Variants in FETUB observed in about 807,000 individuals in gnomAD.
FETUB encodes fetuin B.
A neutral mutation model predicts 30.9 loss-of-function variants in FETUB; 28 were observed. The observed-to-expected ratio is 0.90, with a 90% CI of 0.67 to 1.24. FETUB has a LOEUF of 1.24. FETUB is among the 50% of genes most tolerant of loss of function. FETUB has a pLI of 0.00. For missense variants in FETUB, 469 were observed against 455.3 expected (o/e 1.03, Z -0.27); for synonymous variants, 186 against 175.9 (o/e 1.06, Z -0.45).
chr3:186,640,522 C>T lies in FETUB; in HGVS notation c.62C>T (p.Pro21Leu), dbSNP rs929621480. The change falls in exon 1 of 7, where the codon CCA becomes CTA. Residue 21 changes from proline (P) to leucine (L), a missense_variant. Coordinates refer to ENST00000265029, the MANE Select transcript of FETUB (RefSeq NM_014375.3). ...ILVLCCGAMS[P>L]PQLALNPSAL... ...GTCCTGTGCTGCGGAGCAATGTCTC[C>T]ACCCCAGCTGGCCCTCAACCCCTCG... is the stretch of plus-strand genomic sequence containing the variant. 6 of 1,614,214 alleles carry T rather than the reference C, an allele frequency of 3.7e-6. No homozygotes were observed. Among genetic ancestry groups the T allele is most frequent in the African/African-American group, 2.7e-5 (2 of 75,046 alleles).
Position 186,640,691 on chromosome 3 carries a change from TAGGGAC to T in FETUB, c.225+9_225+14del, listed in dbSNP as rs1444915892. 6.2e-7 allele frequency: 1 copy of T among 1,609,584 alleles called. No individual in the cohort carries two copies. The highest frequency in any genetic ancestry group is 2.2e-5 in the East Asian group (1 of 44,838). On this transcript the variant is annotated splice_region_variant and intron_variant, in intron 1 of 6. Coordinates refer to ENST00000265029, the MANE Select transcript of FETUB (RefSeq NM_014375.3). ...ACGCCCAGGAATACAGACGGGCAAG[TAGGGAC>T]AGTTCCCACTCTGGGGCAGGGATGT... is the stretch of plus-strand genomic sequence containing the variant.
At chr3:186,639,540 C>T (rs999159040), upstream of FETUB, among the ~76,000 whole-genome samples, 1 of 151,654 alleles carries the variant, frequency 6.6e-6, no homozygotes, top group Non-Finnish European at 1.5e-5. Context: ...TGTCTCTTTT[C>T]TCTCATGACA....
chr3:186,640,648 G>T lies in FETUB; in HGVS notation c.188G>T (p.Arg63Ile). 1 of 1,613,550 alleles carries T rather than the reference G, an allele frequency of 6.2e-7. No homozygotes were observed. The highest frequency in any genetic ancestry group is 2.2e-5 in the East Asian group (1 of 44,878). Residue 63 changes from arginine to isoleucine, a missense_variant, in exon 1 of 7, where the codon AGA becomes ATA. By Grantham distance (97) the Arg-to-Ile change is moderately conservative (BLOSUM62 -3). Coordinates refer to ENST00000265029, the MANE Select transcript of FETUB (RefSeq NM_014375.3). ...NKDRKDGYVLRLNRVNDAQEY... is the reference protein window; with the variant it reads ...NKDRKDGYVLILNRVNDAQEY... ...GACAGAAAGGATGGCTATGTGCTGA[G>T]ACTCAACCGAGTGAACGACGCCCAG...
intron 5 of FETUB, among the ~76,000 whole-genome samples, chr3:186,648,366 GTAT>G (rs1717722367): frequency 1.3e-5 from 2 of 152,102 alleles, no homozygotes; most frequent in Admixed American, 6.5e-5. Context: ...GCTTATACTG[GTAT>G]AACACTGTCT....
upstream of FETUB, among the ~76,000 whole-genome samples, chr3:186,638,217 G>T (rs185642975): frequency 8.5e-4 from 130 of 152,206 alleles, 1 homozygote; most frequent in Non-Finnish European, 1.6e-3. Context: ...AACCTAGATT[G>T]ATCTATCTCC....
Position 186,641,264 on chromosome 3 carries a change from G to A in FETUB, c.336+124G>A, listed in dbSNP as rs545057696. On this transcript the variant is annotated intron_variant, in intron 2 of 6. Transcript: ENST00000265029. Reference sequence around the variant, plus strand: ...AAATGGCCCACTTTATAATCTCCTGGCAGGTGCCCATAAGCTTATTCTAAT... The same window carrying A: ...AAATGGCCCACTTTATAATCTCCTGACAGGTGCCCATAAGCTTATTCTAAT... The A allele has an allele frequency of 1.8e-4, 116 of 653,984 alleles. 1 individual carries two copies. The highest frequency in any genetic ancestry group is 3.0e-4 in the Non-Finnish European group (110 of 363,514). 40.5% of individuals were successfully genotyped at this position (653,984 alleles called of 1,614,324 possible). A position where few individuals can be genotyped will look rare whatever the true frequency, so the allele number is the denominator to read the frequency against.
At chr3:186,651,422 G>A (rs1443485948) in intron 6 of FETUB, 121 bp downstream of exon 6, 3 of 702,006 alleles carry the variant, frequency 4.3e-6, no homozygotes, top group Non-Finnish European at 7.7e-6. Context: ...CTTTGCGCAG[G>A]CTAGCCTGAG....
intron 1 of FETUB, 82 bp downstream of exon 1, chr3:186,640,767 C>A: frequency 8.6e-7 from 1 of 1,156,918 alleles, no homozygotes; most frequent in Non-Finnish European, 1.3e-6. Context: ...CCCAGAGACA[C>A]CCTGGCAGGT....
intron 3 of FETUB, among the ~76,000 whole-genome samples, chr3:186,643,786 T>G (rs1194668387): frequency 1.3e-5 from 2 of 152,186 alleles, no homozygotes; most frequent in Non-Finnish European, 2.9e-5. Context: ...ACAAAATTTC[T>G]AAAAACAATG....
Position 186,652,955 on chromosome 3 carries a change from G to A in FETUB, c.*324G>A, listed in dbSNP as rs1579060037. ...TACTTATCTTTTCAGCAGTATATATGTGCTGAAATCTCAGCATGAAAGCAT... is the reference window on the plus strand; with the variant it reads ...TACTTATCTTTTCAGCAGTATATATATGCTGAAATCTCAGCATGAAAGCAT... On this transcript the variant is annotated 3_prime_UTR_variant, in exon 7 of 7. Coordinates refer to ENST00000265029, the MANE Select transcript of FETUB (RefSeq NM_014375.3). 9.4e-6 allele frequency: 2 copies of A among 213,164 alleles called. No homozygotes were observed. The highest frequency in any genetic ancestry group is 4.6e-5 in the African/African-American group (2 of 43,694). 13.2% of individuals were successfully genotyped at this position (213,164 alleles called of 1,614,324 possible).
upstream of FETUB, chr3:186,640,239 T>C (rs1368645361): frequency 8.7e-6 from 5 of 577,942 alleles, no homozygotes; most frequent in Non-Finnish European, 1.2e-5. Flanking sequence ...CATTTGTATG[T>C]ACAGGTGGAT....
intron 6 of FETUB, 105 bp downstream of exon 6, chr3:186,651,406 T>TCAC (rs1348230483): frequency 2.6e-6 from 2 of 779,628 alleles, no homozygotes; most frequent in Admixed American, 4.0e-5. Flanking sequence ...ACCACCTTGC[T>TCAC]CACCACTTTG....
intron 6 of FETUB, chr3:186,652,018 C>T (rs1718082743): frequency 3.2e-6 from 1 of 309,190 alleles, no homozygotes. Context: ...CATTGAACCT[C>T]TCTGGGCCAT....
In FETUB at chr3:186,640,560, C is replaced by A. The variant is rs764727229; in HGVS notation, c.100C>A (p.Arg34=). The A allele has an allele frequency of 2.5e-6, 4 of 1,614,056 alleles. No individual in the cohort carries two copies. The highest frequency in any genetic ancestry group is 3.4e-6 in the Non-Finnish European group (4 of 1,179,996). Residue 34 remains arginine, a synonymous_variant, in exon 1 of 7, where the codon CGG becomes AGG. Transcript: ENST00000265029. ...LALNPSALLS[R]GCNDSDVLAV... ...CCTCAACCCCTCGGCTCTGCTCTCC[C>A]GGGGCTGCAATGACTCAGATGTGCT...
intron 5 of FETUB, among the ~76,000 whole-genome samples, chr3:186,647,990 A>G (rs935275561): frequency 6.6e-6 from 1 of 152,204 alleles, no homozygotes; most frequent in African/African-American, 2.4e-5. Flanking sequence ...GAACAACAAC[A>G]ACAACAAAAA....
chr3:186,652,185 C>T, intron 6 of FETUB, 78 bp from the exon 7 acceptor site: 2 of 1,460,382 alleles, frequency 1.4e-6, no homozygotes, highest in Non-Finnish European at 1.8e-6. Flanking sequence ...CAGAAAGGCA[C>T]AGATCAGCTT....
Position 186,652,414 on chromosome 3 carries a change from A to G in FETUB, c.932A>G (p.Asp311Gly). 6.2e-7 allele frequency: 1 copy of G among 1,613,424 alleles called. No individual in the cohort carries two copies. Among genetic ancestry groups the G allele is most frequent in the Non-Finnish European group, 8.5e-7 (1 of 1,179,714 alleles). Reference protein sequence around the residue: ...RGSVQYLPDLDDKNSQEKGPQ... With the variant: ...RGSVQYLPDLGDKNSQEKGPQ... ...TCTGTCCAATATCTTCCTGACTTGG[A>G]TGATAAAAATTCCCAGGAAAAGGGC... Residue 311 changes from aspartate to glycine, a missense_variant, in exon 7 of 7, where the codon GAT becomes GGT. By Grantham distance (94) the Asp-to-Gly change is moderately conservative. Coordinates refer to ENST00000265029, the MANE Select transcript of FETUB (RefSeq NM_014375.3).
At chr3:186,644,335 C>T (rs1385127377) in intron 3 of FETUB, among the ~76,000 whole-genome samples, 1 of 152,150 alleles carries the variant, frequency 6.6e-6, no homozygotes, top group African/African-American at 2.4e-5. Flanking sequence ...CAAGCATTTA[C>T]TAAGCACTGC....
chr3:186,651,963 A>C (rs1356856775), intron 6 of FETUB: 3 of 210,482 alleles, frequency 1.4e-5, no homozygotes, highest in African/African-American at 6.9e-5. Context: ...TGCTGCTTCC[A>C]CTACTGGGAA....
Sources: gnomAD v4.1 joint callset for allele counts (sites outside exome capture counted in the v4.1 genomes callset) on GRCh38, gnomAD v4.1.1 for gene constraint, MANE v1.5 for transcripts, NCBI Gene and HGNC (gene_info 2026-07-23, HGNC 2026-07-21) for gene names.